Variants in STRN observed in about 807,000 individuals in gnomAD.
STRN encodes the protein striatin, also known as protein phosphatase 2 regulatory subunit B'''alpha.
Under a neutral mutation model 96.3 loss-of-function variants are expected in STRN, and 53 were observed. The observed-to-expected ratio is 0.55, with a 90% confidence interval of 0.44 to 0.69. STRN has a LOEUF of 0.69. Among genes scored for constraint, STRN ranks in the 30% least tolerant of loss-of-function variants. The pLI is 0.00. For synonymous variants in STRN, 428 were observed against 355.9 expected (o/e 1.20, Z -2.28); for missense variants, 987 against 963.9 (o/e 1.02, Z -0.32).
At chr2:36,917,911 C>A (rs1236359342) in intron 2 of STRN, among the ~76,000 whole-genome samples, 2 of 152,084 alleles carry the variant, frequency 1.3e-5, no homozygotes, top group African/African-American at 4.8e-5. Context: ...TGTCTCCATA[C>A]ATTTTTTAAA....
intron 1 of STRN, among the ~76,000 whole-genome samples, chr2:36,954,139 G>C (rs1336830821): frequency 6.6e-6 from 1 of 152,084 alleles, no homozygotes; most frequent in Non-Finnish European, 1.5e-5. Context: ...CACAATATTT[G>C]ATATGTGATC....
intron 2 of STRN, among the ~76,000 whole-genome samples, chr2:36,923,936 C>T (rs1294209976): frequency 2.6e-5 from 4 of 152,144 alleles, no homozygotes; most frequent in Non-Finnish European, 5.9e-5. Context: ...TCACTCATGA[C>T]CTATTTTCCT....
intron 12 of STRN, among the ~76,000 whole-genome samples, chr2:36,867,012 T>G (rs970527817): frequency 3.3e-5 from 5 of 152,242 alleles, no homozygotes; most frequent in Non-Finnish European, 7.3e-5. Flanking sequence ...TTGGGGCATT[T>G]AGCCCTTTTA....
At chr2:36,885,569 C>T (rs1669198541) in intron 8 of STRN, among the ~76,000 whole-genome samples, 1 of 152,118 alleles carries the variant, frequency 6.6e-6, no homozygotes, top group Non-Finnish European at 1.5e-5. Flanking sequence ...ATTACAACAT[C>T]ATCTCTCATT....
intron 1 of STRN, among the ~76,000 whole-genome samples, chr2:36,963,760 C>A (rs1004612922): frequency 2.0e-5 from 3 of 152,132 alleles, no homozygotes; most frequent in Admixed American, 2.0e-4. Flanking sequence ...AGTTCAAGAC[C>A]AACCTGGCCA....
chr2:36,852,483 C>G (rs970866468), intron 15 of STRN, among the ~76,000 whole-genome samples: 16 of 152,116 alleles, frequency 1.1e-4, no homozygotes, highest in African/African-American at 3.9e-4. Flanking sequence ...CTTAGAATTA[C>G]ACGCTAAAGG....
rs75727506 is a variant in STRN at position 36,885,817 on chromosome 2, T to G, written c.1042+899A>C. Among the ~76,000 whole-genome samples, 932 of 152,256 alleles carry G rather than the reference T, an allele frequency of 6.1e-3. 5 individuals carry two copies. The highest frequency in any genetic ancestry group is 0.015 in the African/African-American group (619 of 41,576). ...CTTTAAAATACATTTCTCACTAAGT[T>G]AGATTTTAATCTCACTTTATACTAC... On this transcript the variant is annotated intron_variant, in intron 8 of 17. Coordinates refer to ENST00000263918, the MANE Select transcript of STRN (RefSeq NM_003162.4).
intron 9 of STRN, among the ~76,000 whole-genome samples, chr2:36,882,961 A>G (rs551121592): frequency 1.3e-4 from 20 of 152,208 alleles, no homozygotes; most frequent in Non-Finnish European, 2.5e-4. Context: ...TTTATATACC[A>G]TAAGATTACA....
At chr2:36,922,443 C>T (rs1670285566) in intron 2 of STRN, among the ~76,000 whole-genome samples, 1 of 148,824 alleles carries the variant, frequency 6.7e-6, no homozygotes, top group Non-Finnish European at 1.5e-5. Context: ...CACTTGTGCC[C>T]AGAAGGCTGA....
intron 7 of STRN, among the ~76,000 whole-genome samples, chr2:36,888,635 TTA>T (rs1351875218): frequency 4.0e-4 from 34 of 85,478 alleles, no homozygotes; most frequent in African/African-American, 1.1e-3. Context: ...GGTTTTTAAT[TTA>T]TATGTGTGTG....
intron 12 of STRN, among the ~76,000 whole-genome samples, chr2:36,864,039 G>C (rs1668561236): frequency 6.6e-6 from 1 of 152,186 alleles, no homozygotes; most frequent in African/African-American, 2.4e-5. Context: ...TGTTTTATCA[G>C]ATCTGGGAGC....
At chr2:36,909,087 C>T (rs960674328) in intron 3 of STRN, among the ~76,000 whole-genome samples, 9 of 147,554 alleles carry the variant, frequency 6.1e-5, no homozygotes, top group Non-Finnish European at 8.9e-5. Context: ...ACCAAGGAGG[C>T]GAAGGTTGCA....
chr2:36,953,168 T>C (rs1176435641), intron 1 of STRN, among the ~76,000 whole-genome samples: 3 of 152,142 alleles, frequency 2.0e-5, no homozygotes, highest in Non-Finnish European at 4.4e-5. Context: ...TGATGCATAT[T>C]TGCCACACCC....
intron 1 of STRN, among the ~76,000 whole-genome samples, chr2:36,939,303 A>G (rs1670784548): frequency 6.6e-6 from 1 of 151,978 alleles, no homozygotes; most frequent in African/African-American, 2.4e-5. Context: ...CCACTCAGGG[A>G]TCTCCCGTTG....
rs757077915 is a variant in STRN at position 36,905,556 on chromosome 2, G to A, written c.475C>T (p.Arg159Ter). The stretch of plus-strand genomic sequence containing the variant: ...GACACTTACTGTCTGAGTAGTTGTC[G>A]ACCTTGTTTCCACATTAACTGGCTG... ...QNSQLMWKQG[R>*]QLLRQYLQEV... The change falls in exon 4 of 18, where the codon CGA (arginine) becomes TGA (stop). Residue 159 changes from arginine to a stop codon, truncating the protein, a stop_gained. Transcript: ENST00000263918. LOFTEE classifies it high-confidence loss of function. The A allele has an allele frequency of 2.5e-6, 4 of 1,613,562 alleles. No homozygotes were observed. Among genetic ancestry groups the A allele is most frequent in the Non-Finnish European group, 3.4e-6 (4 of 1,179,798 alleles).
chr2:36,891,412 G>C (rs749309874), intron 7 of STRN, among the ~76,000 whole-genome samples: 1 of 152,176 alleles, frequency 6.6e-6, no homozygotes, highest in Non-Finnish European at 1.5e-5. Flanking sequence ...TGTAATCCCA[G>C]CTACTCTGGA....
chr2:36,950,057 T>C (rs2148266410), intron 1 of STRN, among the ~76,000 whole-genome samples: 1 of 151,658 alleles, frequency 6.6e-6, no homozygotes, highest in African/African-American at 2.4e-5. Context: ...GAGAGAGAGA[T>C]GAGACTAGTA....
Position 36,842,513 on chromosome 2 carries a change from G to C in STRN, c.*6943C>G, listed in dbSNP as rs1423841753. ...GCATCTGGACCACTCTTCACGTAAG[G>C]TGAATGGCTAAATCACCAAGGACAA... is the stretch of plus-strand genomic sequence containing the variant. On this transcript the variant is annotated 3_prime_UTR_variant, in exon 18 of 18. Coordinates refer to ENST00000263918, the MANE Select transcript of STRN (RefSeq NM_003162.4). The C allele has an allele frequency of 6.6e-6, 1 of 152,154 alleles. No individual in the cohort carries two copies. The highest frequency in any genetic ancestry group is 1.5e-5 in the Non-Finnish European group (1 of 68,036). 9.4% of individuals were successfully genotyped at this position (152,154 alleles called of 1,614,324 possible).
intron 14 of STRN, among the ~76,000 whole-genome samples, chr2:36,856,469 T>C (rs1359772552): frequency 6.6e-6 from 1 of 152,008 alleles, no homozygotes; most frequent in East Asian, 1.9e-4. Flanking sequence ...ATGAAAGAAA[T>C]AATTGATATA....
Sources: gnomAD v4.1 joint callset for allele counts (sites outside exome capture counted in the v4.1 genomes callset) on GRCh38, gnomAD v4.1.1 for gene constraint, MANE v1.5 for transcripts, NCBI Gene and HGNC (gene_info 2026-07-23, HGNC 2026-07-21) for gene names.